Variants in CSMD1 observed in about 807,000 individuals in gnomAD.
The protein encoded by CSMD1 is CUB and Sushi multiple domains 1.
A neutral mutation model predicts 417.5 loss-of-function variants in CSMD1; 213 were observed. The observed-to-expected ratio is 0.51, with a 90% CI of 0.46 to 0.57. The LOEUF is 0.57. Ranked by LOEUF, CSMD1 falls within the 20% of genes least tolerant of loss-of-function variation. The pLI is 0.00. For synonymous variants in CSMD1, 2,862 were observed against 1,736.8 expected (o/e 1.65, Z -16.11); for missense variants, 6,923 against 4,529.7 (o/e 1.53, Z -15.17).
chr8:3,171,865 C>T (rs1820602636), intron 37 of CSMD1, among the ~76,000 whole-genome samples: 1 of 152,116 alleles, frequency 6.6e-6, no homozygotes, highest in East Asian at 1.9e-4. Context: ...TCAGATAGTG[C>T]CAGTTTAATA....
At chr8:4,906,497 C>A (rs1470645652) in intron 1 of CSMD1, among the ~76,000 whole-genome samples, 1 of 57,028 alleles carries the variant, frequency 1.8e-5, no homozygotes, top group Non-Finnish European at 4.0e-5. Context: ...CATGATTTCA[C>A]ACACTTTGTT....
intron 1 of CSMD1, among the ~76,000 whole-genome samples, chr8:4,832,048 C>T (rs971821483): frequency 6.6e-6 from 1 of 152,220 alleles, no homozygotes; most frequent in Non-Finnish European, 1.5e-5. Context: ...TGTTACCTTA[C>T]AATCAAACCA....
At position 4,505,568 on chromosome 8, in the gene CSMD1, G is replaced by C. The variant is rs542167394; in HGVS notation, c.303-85503C>G. 3.9e-5 allele frequency among the ~76,000 whole-genome samples: 6 copies of C among 152,080 alleles called. No individual in the cohort carries two copies. In the East Asian group the frequency reaches 9.7e-4, roughly 25 times the overall value. On this transcript the variant is annotated intron_variant, in intron 2 of 69. Coordinates refer to ENST00000635120, the MANE Select transcript of CSMD1 (RefSeq NM_033225.6). ...ATATACTATCAAAATAATGCTATTGGAATGGATTTCTTACTTAATAACTTA... is the reference window on the plus strand; with the variant it reads ...ATATACTATCAAAATAATGCTATTGCAATGGATTTCTTACTTAATAACTTA...
chr8:3,374,538 G>C (rs780845387), intron 18 of CSMD1, among the ~76,000 whole-genome samples: 72 of 152,136 alleles, frequency 4.7e-4, no homozygotes, highest in Non-Finnish European at 9.4e-4. Context: ...AAACTCAAAG[G>C]AGGTCTAGAT....
intron 7 of CSMD1, among the ~76,000 whole-genome samples, chr8:3,664,901 T>C (rs1302609509): frequency 3.3e-5 from 5 of 152,136 alleles, no homozygotes; most frequent in South Asian, 2.1e-4. Context: ...TTCCAAAAAA[T>C]ACATCACAAT....
At chr8:4,702,039 A>T (rs1563173894) in intron 1 of CSMD1, among the ~76,000 whole-genome samples, 1 of 152,222 alleles carries the variant, frequency 6.6e-6, no homozygotes, top group South Asian at 2.1e-4. Context: ...CTTCTCACTT[A>T]TAAGTGGGAG....
intron 3 of CSMD1, among the ~76,000 whole-genome samples, chr8:4,214,216 G>A (rs749627364): frequency 2.6e-5 from 4 of 152,124 alleles, no homozygotes; most frequent in Non-Finnish European, 5.9e-5. Flanking sequence ...GAAATTAAAT[G>A]AATGGACTAA....
At chr8:3,480,304 T>C (rs1584299) in intron 11 of CSMD1, among the ~76,000 whole-genome samples, 100,535 of 151,586 alleles carry the variant, frequency 0.66, 33,837 homozygotes, top group Middle Eastern at 0.78. Context: ...GGAGGATGCA[T>C]TGAGCACAGA....
chr8:3,707,345 T>A (rs1224596671), intron 7 of CSMD1, among the ~76,000 whole-genome samples: 1 of 152,156 alleles, frequency 6.6e-6, no homozygotes, highest in African/African-American at 2.4e-5. Flanking sequence ...ATCCCAGCCC[T>A]TCCACTAATT....
chr8:4,311,780 T>G (rs566423381), intron 3 of CSMD1, among the ~76,000 whole-genome samples: 1 of 138,196 alleles, frequency 7.2e-6, no homozygotes. Context: ...GGGGAACACA[T>G]AGAGGGGAAC....
At chr8:4,865,145 C>T (rs1339273914) in intron 1 of CSMD1, among the ~76,000 whole-genome samples, 1 of 151,678 alleles carries the variant, frequency 6.6e-6, no homozygotes, top group African/African-American at 2.4e-5. Context: ...ACATTTTACA[C>T]AACTAATCTT....
intron 3 of CSMD1, among the ~76,000 whole-genome samples, chr8:4,344,441 C>G (rs963994500): frequency 1.3e-5 from 2 of 151,996 alleles, no homozygotes; most frequent in African/African-American, 4.8e-5. Context: ...TAAAACTGAA[C>G]TGCTCAAAGA....
intron 5 of CSMD1, among the ~76,000 whole-genome samples, chr8:3,939,934 G>T (rs990222814): frequency 6.6e-6 from 1 of 152,024 alleles, no homozygotes; most frequent in Non-Finnish European, 1.5e-5. Flanking sequence ...GATGACAGGT[G>T]CACCGAATCT....
intron 3 of CSMD1, among the ~76,000 whole-genome samples, chr8:4,258,946 C>A (rs1803677488): frequency 6.6e-6 from 1 of 152,132 alleles, no homozygotes; most frequent in Non-Finnish European, 1.5e-5. Flanking sequence ...ATTTCATCGA[C>A]TTAATACACT....
chr8:4,420,204 C>A, intron 2 of CSMD1, 139 bp from the exon 3 acceptor site: 1 of 526,188 alleles, frequency 1.9e-6, no homozygotes, highest in Non-Finnish European at 3.5e-6. Context: ...ATAATCCATA[C>A]ACATAGCTTT....
chr8:4,610,231 G>C (rs1051109777), intron 2 of CSMD1, among the ~76,000 whole-genome samples: 1 of 152,120 alleles, frequency 6.6e-6, no homozygotes, highest in South Asian at 2.1e-4. Flanking sequence ...AAGAAAGAGA[G>C]ACTAAATCCT....
Position 3,592,867 on chromosome 8 carries a change from G to T in CSMD1, c.1098-6607C>A, listed in dbSNP as rs2469360. On this transcript the variant is annotated intron_variant, in intron 8 of 69. Transcript: ENST00000635120. ...TAGGTGTAAAGGAGATGTGATGGTA[G>T]GTTCTCCCACTTCCTGCTTCTCCAC... 3.9e-5 allele frequency among the ~76,000 whole-genome samples: 6 copies of T among 152,020 alleles called. No homozygotes were observed. In the South Asian group the frequency reaches 6.3e-4, roughly 16 times the overall value.
At chr8:3,303,708 T>C (rs183781871) in intron 25 of CSMD1, among the ~76,000 whole-genome samples, 1 of 152,324 alleles carries the variant, frequency 6.6e-6, no homozygotes, top group Non-Finnish European at 1.5e-5. Context: ...AAGTTTATAA[T>C]GCTGTTACTT....
At position 3,616,802 on chromosome 8, in the gene CSMD1, A is replaced by G; in HGVS notation, c.1010-5T>C. 2.5e-6 allele frequency: 4 copies of G among 1,597,922 alleles called. No individual in the cohort carries two copies. Among genetic ancestry groups the G allele is most frequent in the Non-Finnish European group, 3.4e-6 (4 of 1,167,554 alleles). On this transcript the variant is annotated splice_region_variant and splice_polypyrimidine_tract_variant and intron_variant, in intron 7 of 69. Coordinates refer to ENST00000635120, the MANE Select transcript of CSMD1 (RefSeq NM_033225.6). Reference sequence around the variant, plus strand: ...ATGCAACACCTCCTTGGCTCACTGTAATAGACAGAAACATTGTCAAAATGC... The same window carrying G: ...ATGCAACACCTCCTTGGCTCACTGTGATAGACAGAAACATTGTCAAAATGC...
Sources: gnomAD v4.1 joint callset for allele counts (sites outside exome capture counted in the v4.1 genomes callset) on GRCh38, gnomAD v4.1.1 for gene constraint, MANE v1.5 for transcripts, NCBI Gene and HGNC (gene_info 2026-07-23, HGNC 2026-07-21) for gene names.